Variants in ERCC6L2 observed in about 807,000 individuals in gnomAD.
The protein encoded by ERCC6L2 is DNA excision repair protein ERCC-6-like 2.
ERCC6L2 carries 77 observed loss-of-function variants against 132.0 expected under a neutral mutation model. That is an observed-to-expected ratio of 0.58 (90% confidence interval 0.49 to 0.71). The LOEUF is 0.71. ERCC6L2 is among the 30% of genes least tolerant of loss of function. The pLI, the probability that ERCC6L2 is intolerant of heterozygous loss-of-function variation, is 0.00. For synonymous variants in ERCC6L2, 583 were observed against 632.4 expected (o/e 0.92, Z 1.17); for missense variants, 1,542 against 1,837.6 (o/e 0.84, Z 2.94).
intron 19 of ERCC6L2, among the ~76,000 whole-genome samples, chr9:96,033,685 G>A (rs1834488613): frequency 6.6e-6 from 1 of 152,220 alleles, no homozygotes; most frequent in African/African-American, 2.4e-5. Context: ...GCTGGGTCTT[G>A]GAAGAACACT....
intron 11 of ERCC6L2, among the ~76,000 whole-genome samples, chr9:95,940,859 T>C (rs1830766202): frequency 6.6e-6 from 1 of 152,198 alleles, no homozygotes; most frequent in Non-Finnish European, 1.5e-5. Flanking sequence ...AATGTGGGAC[T>C]CCTTCAGCTA....
chr9:95,923,354 AC>A lies in ERCC6L2; in HGVS notation c.1511del (p.Pro504LeufsTer7). On this transcript the variant is annotated frameshift_variant, in exon 9 of 19. Transcript: ENST00000653738. LOFTEE classifies it high-confidence loss of function. ...GATGCAGCCTTTGAAACACTTTCTG[AC>A]CCTAAATACAGTGGAAAAATGAAGG... ...SKDAAFETLS[D>X]PKYSGKMKVL... 1 of 1,613,634 alleles carries A rather than the reference AC, an allele frequency of 6.2e-7. No homozygotes were observed. The highest frequency in any genetic ancestry group is 1.1e-5 in the South Asian group (1 of 91,028).
intron 1 of ERCC6L2, chr9:95,876,340 C>G (rs374706250): frequency 1.6e-5 from 7 of 436,358 alleles, no homozygotes; most frequent in Admixed American, 3.9e-5. Context: ...GGCTCCTCAT[C>G]TGTAAAACTG....
intron 18 of ERCC6L2, among the ~76,000 whole-genome samples, chr9:96,010,769 T>G (rs771119940): frequency 1.3e-5 from 2 of 152,226 alleles, no homozygotes; most frequent in African/African-American, 2.4e-5. Context: ...TATTCTACTT[T>G]GATTTTCATG....
At chr9:95,943,304 T>C (rs987950509) in intron 12 of ERCC6L2, among the ~76,000 whole-genome samples, 9 of 152,150 alleles carry the variant, frequency 5.9e-5, no homozygotes, top group Non-Finnish European at 8.8e-5. Flanking sequence ...TGTTTTTTTT[T>C]CCTCAGGAAA....
intron 12 of ERCC6L2, chr9:95,954,756 G>T (rs779276176): frequency 2.1e-6 from 1 of 471,018 alleles, no homozygotes; most frequent in South Asian, 1.5e-5. Flanking sequence ...GAGAGAAAGG[G>T]ATGCTGAGCC....
intron 2 of ERCC6L2, among the ~76,000 whole-genome samples, chr9:95,892,790 CA>C (rs1828241417): frequency 6.6e-6 from 1 of 152,152 alleles, no homozygotes; most frequent in Non-Finnish European, 1.5e-5. Flanking sequence ...TTATTAGGGT[CA>C]CAAACCTTTG....
intron 4 of ERCC6L2, among the ~76,000 whole-genome samples, chr9:95,908,196 G>A (rs1211204851): frequency 2.0e-5 from 3 of 152,092 alleles, no homozygotes; most frequent in Non-Finnish European, 4.4e-5. Context: ...AAATGTTCAG[G>A]TCTCAACCCC....
chr9:95,917,209 C>T (rs1227113409), intron 6 of ERCC6L2, among the ~76,000 whole-genome samples: 2 of 152,088 alleles, frequency 1.3e-5, no homozygotes, highest in Non-Finnish European at 2.9e-5. Flanking sequence ...ACACAACTAA[C>T]CTAACTTTTA....
Position 95,907,268 on chromosome 9 carries a change from A to T in ERCC6L2, c.785A>T (p.Asn262Ile). The change falls in exon 4 of 19, where the codon AAC becomes ATC. Residue 262 changes from asparagine to isoleucine, a missense_variant. By Grantham distance (149) the Asn-to-Ile change is moderately radical. Coordinates refer to ENST00000653738, the MANE Select transcript of ERCC6L2 (RefSeq NM_020207.7). Reference protein sequence around the residue: ...ETLRLCLDELNSLEWSAVIVD... With the variant: ...ETLRLCLDELISLEWSAVIVD... ...CTACGCTTATGCCTGGATGAACTTA[A>T]CAGGTAATGGGAATAATAGGAATAG... 6.2e-7 allele frequency: 1 copy of T among 1,607,162 alleles called. No individual in the cohort carries two copies.
At chr9:96,003,685 C>A (rs897910849) in intron 17 of ERCC6L2, among the ~76,000 whole-genome samples, 13 of 152,332 alleles carry the variant, frequency 8.5e-5, no homozygotes, top group African/African-American at 3.1e-4. Flanking sequence ...AGGTCCTACC[C>A]TACTAGGGCT....
chr9:95,963,683 T>G (rs1832019914), intron 13 of ERCC6L2, among the ~76,000 whole-genome samples: 1 of 152,132 alleles, frequency 6.6e-6, no homozygotes, highest in African/African-American at 2.4e-5. Flanking sequence ...TCCATTTACT[T>G]GTGTCTCTTC....
intron 17 of ERCC6L2, among the ~76,000 whole-genome samples, chr9:95,983,379 AT>A (rs1441723477): frequency 1.3e-5 from 2 of 152,218 alleles, no homozygotes; most frequent in African/African-American, 2.4e-5. Context: ...CACTGTTCCA[AT>A]TGTATAGAAA....
At chr9:95,964,830 A>C (rs1832079538) in intron 13 of ERCC6L2, among the ~76,000 whole-genome samples, 1 of 152,124 alleles carries the variant, frequency 6.6e-6, no homozygotes, top group African/African-American at 2.4e-5. Context: ...CCTGGTTTCC[A>C]CTTTTACTGG....
At chr9:95,959,089 A>G (rs1186048231) in intron 13 of ERCC6L2, among the ~76,000 whole-genome samples, 1 of 152,166 alleles carries the variant, frequency 6.6e-6, no homozygotes, top group Non-Finnish European at 1.5e-5. Flanking sequence ...CTAAGTCAAA[A>G]GAACAAAGCT....
intron 17 of ERCC6L2, among the ~76,000 whole-genome samples, chr9:95,987,150 A>G (rs1833127461): frequency 1.3e-5 from 2 of 152,148 alleles, no homozygotes; most frequent in African/African-American, 2.4e-5. Context: ...TCAAGATGAG[A>G]TTTGGGTGGG....
In ERCC6L2 at chr9:95,983,632, C is replaced by G. The variant is rs1381924210; in HGVS notation, c.3492+5417C>G. ...AAACCATAGTATCAATTGGACATGG[C>G]CCCCTAATGGAAACACCTATTGCCT... On this transcript the variant is annotated intron_variant, in intron 17 of 18. Transcript: ENST00000653738. Among the ~76,000 whole-genome samples the G allele has an allele frequency of 2.0e-5, 3 of 152,248 alleles. No individual in the cohort carries two copies. The East Asian group carries it at 5.8e-4, about 29-fold the overall frequency.
At chr9:95,985,169 T>C (rs566843447) in intron 17 of ERCC6L2, among the ~76,000 whole-genome samples, 2 of 152,354 alleles carry the variant, frequency 1.3e-5, no homozygotes, top group South Asian at 4.1e-4. Context: ...GTAGATGTGG[T>C]ATACCTGTCA....
intron 1 of ERCC6L2, among the ~76,000 whole-genome samples, chr9:95,878,993 G>A (rs966007517): frequency 2.6e-4 from 39 of 152,186 alleles, no homozygotes; most frequent in African/African-American, 9.4e-4. Context: ...ATAGCAGCAT[G>A]ATTTATAGTC....
Sources: gnomAD v4.1 joint callset for allele counts (sites outside exome capture counted in the v4.1 genomes callset) on GRCh38, gnomAD v4.1.1 for gene constraint, MANE v1.5 for transcripts, NCBI Gene and HGNC (gene_info 2026-07-23, HGNC 2026-07-21) for gene names.